Variants in TRPC5 observed in about 807,000 individuals in gnomAD.
TRPC5 encodes short transient receptor potential channel 5.
Under a neutral mutation model 56.5 loss-of-function variants are expected in TRPC5, and 9 were observed. The observed-to-expected ratio is 0.16, with a 90% CI of 0.10 to 0.28. The LOEUF (loss-of-function observed/expected upper bound fraction) is 0.28, where lower values mean the gene tolerates loss of function less well. Among genes scored for constraint, TRPC5 ranks in the 10% least tolerant of loss-of-function variants. TRPC5 has a pLI of 1.00. For missense variants in TRPC5, 469 were observed against 748.9 expected, an observed-to-expected ratio of 0.63 and a Z score of 4.36; for synonymous variants, 282 against 278.5, an observed-to-expected ratio of 1.01 and a Z score of -0.13.
intron 3 of TRPC5, among the ~76,000 whole-genome samples, chrX:111,868,824 A>G (rs756260059): frequency 3.6e-5 from 4 of 112,121 alleles, no homozygotes; most frequent in African/African-American, 1.3e-4. Flanking sequence ...TGATCTTTTA[A>G]GAACTGCATC....
rs1418366853 is a variant in TRPC5 at position 111,776,364 on chromosome X, G to A, written c.2871C>T (p.Leu957=). 1 of 1,202,885 alleles carries A rather than the reference G, an allele frequency of 8.3e-7. No homozygotes were observed. Among genetic ancestry groups the A allele is most frequent in the South Asian group, 1.8e-5 (1 of 54,922 alleles). The part of the protein sequence containing the change: ...FETWGEACDL[L]MHKWGDGQEE... Reference sequence around the variant, plus strand: ...CCTGTCCATCACCCCATTTGTGCATGAGCAAGTCACAAGCCTCTCCCCAAG... The same window carrying A: ...CCTGTCCATCACCCCATTTGTGCATAAGCAAGTCACAAGCCTCTCCCCAAG... The change falls in exon 11 of 11, where the codon CTC becomes CTT. Residue 957 remains leucine, a synonymous_variant. Coordinates refer to ENST00000262839, the MANE Select transcript of TRPC5 (RefSeq NM_012471.3).
chrX:112,060,801 T>C (rs1410745859), intron 1 of TRPC5, among the ~76,000 whole-genome samples: 1 of 112,701 alleles, frequency 8.9e-6, no homozygotes, highest in Non-Finnish European at 1.9e-5. Flanking sequence ...CAGAACCTAG[T>C]TGGAAAGGCT....
intron 3 of TRPC5, among the ~76,000 whole-genome samples, chrX:111,897,896 A>T (rs1215104147): frequency 9.0e-6 from 1 of 111,158 alleles, no homozygotes; most frequent in Non-Finnish European, 1.9e-5. Flanking sequence ...AATACCTATG[A>T]GTAGAATTGC....
intron 3 of TRPC5, among the ~76,000 whole-genome samples, chrX:111,888,693 C>CAAAAAA (rs753735549): frequency 6.4e-4 from 7 of 10,961 alleles, no homozygotes; most frequent in African/African-American, 1.3e-3. Flanking sequence ...GACTCTATCT[C>CAAAAAA]AAAAAAAAAA....
chrX:111,962,740 G>A (rs1927418613), intron 1 of TRPC5, among the ~76,000 whole-genome samples: 5 of 112,429 alleles, frequency 4.4e-5, no homozygotes, highest in African/African-American at 1.6e-4. Context: ...CAGGTAAAAT[G>A]TTATCAAACA....
At chrX:111,784,306 A>G (rs1945943052) in intron 7 of TRPC5, among the ~76,000 whole-genome samples, 1 of 112,585 alleles carries the variant, frequency 8.9e-6, no homozygotes, top group African/African-American at 3.2e-5. Flanking sequence ...TGACTTAATC[A>G]AAATTAAAAA....
intron 7 of TRPC5, among the ~76,000 whole-genome samples, chrX:111,791,438 C>A (rs1457394361): frequency 1.8e-5 from 2 of 111,559 alleles, no homozygotes; most frequent in Non-Finnish European, 3.8e-5. Flanking sequence ...CAACAATATC[C>A]CTTGAAGATA....
intron 2 of TRPC5, among the ~76,000 whole-genome samples, chrX:111,930,572 G>A (rs937249348): frequency 9.0e-6 from 1 of 110,953 alleles, no homozygotes; most frequent in African/African-American, 3.3e-5. Flanking sequence ...CTGAACTCCA[G>A]CCTGGGCAAC....
At chrX:111,802,136 CTT>C (rs1435521783) in intron 7 of TRPC5, among the ~76,000 whole-genome samples, 4 of 111,936 alleles carry the variant, frequency 3.6e-5, no homozygotes, top group Non-Finnish European at 3.8e-5. Context: ...AAAGACTAGT[CTT>C]TCTCCATTGA....
At chrX:112,027,487 A>G (rs995250303) in intron 1 of TRPC5, among the ~76,000 whole-genome samples, 15 of 111,495 alleles carry the variant, frequency 1.3e-4, no homozygotes, top group African/African-American at 4.2e-4. Flanking sequence ...AGTACATCAA[A>G]GTTATTTCTT....
chrX:112,022,251 A>G (rs1216704913), intron 1 of TRPC5, among the ~76,000 whole-genome samples: 1 of 112,422 alleles, frequency 8.9e-6, no homozygotes, highest in East Asian at 2.8e-4. Context: ...GGAGAATAGG[A>G]ATGCTTTTCT....
intron 7 of TRPC5, among the ~76,000 whole-genome samples, chrX:111,783,077 G>C (rs900109557): frequency 9.0e-6 from 1 of 111,458 alleles, no homozygotes; most frequent in African/African-American, 3.3e-5. Flanking sequence ...TTTAAGATTG[G>C]CTCATTTTAC....
intron 1 of TRPC5, among the ~76,000 whole-genome samples, chrX:112,058,078 G>A (rs1212010406): frequency 9.0e-6 from 1 of 111,594 alleles, no homozygotes; most frequent in African/African-American, 3.3e-5. Flanking sequence ...GAGAAGGAGG[G>A]ACAGTGATTG....
chrX:111,993,209 T>C (rs1928415200), intron 1 of TRPC5, among the ~76,000 whole-genome samples: 1 of 110,919 alleles, frequency 9.0e-6, no homozygotes, highest in Non-Finnish European at 1.9e-5. Context: ...GCTTCATCCA[T>C]GTCCCTGCAA....
intron 1 of TRPC5, among the ~76,000 whole-genome samples, chrX:111,970,193 A>G (rs1927741392): frequency 9.0e-6 from 1 of 111,187 alleles, no homozygotes; most frequent in Admixed American, 9.6e-5. Context: ...GGGCCCTGAT[A>G]TTTCCAGGAG....
intron 3 of TRPC5, among the ~76,000 whole-genome samples, chrX:111,907,055 T>C (rs572702692): frequency 9.3e-6 from 1 of 107,417 alleles, no homozygotes; most frequent in African/African-American, 3.4e-5. Context: ...ATTCTGTTCC[T>C]GGGAAATAAT....
At chrX:112,072,122 T>C (rs757142980) in intron 1 of TRPC5, among the ~76,000 whole-genome samples, 1 of 112,154 alleles carries the variant, frequency 8.9e-6, no homozygotes, top group East Asian at 2.8e-4. Context: ...TCACTCTTAG[T>C]ATGGTAACGA....
At chrX:112,070,027 A>G (rs1487346200) in intron 1 of TRPC5, among the ~76,000 whole-genome samples, 3 of 111,451 alleles carry the variant, frequency 2.7e-5, no homozygotes, top group Non-Finnish European at 5.6e-5. Flanking sequence ...TTACGTTGCA[A>G]TGAGATTTCA....
intron 1 of TRPC5, among the ~76,000 whole-genome samples, chrX:111,957,523 G>T (rs1330537611): frequency 8.9e-5 from 10 of 111,856 alleles, no homozygotes; most frequent in Admixed American, 8.6e-4. Flanking sequence ...GGAACCTGAA[G>T]CACAGAGAGG....
Sources: gnomAD v4.1 joint callset for allele counts (sites outside exome capture counted in the v4.1 genomes callset) on GRCh38, gnomAD v4.1.1 for gene constraint, MANE v1.5 for transcripts, NCBI Gene and HGNC (gene_info 2026-07-23, HGNC 2026-07-21) for gene names.